DERA: variants seen among roughly 807,000 people sequenced by gnomAD.
DERA encodes deoxyribose-phosphate aldolase.
Under a neutral mutation model 41.1 loss-of-function variants are expected in DERA, and 15 were observed. The ratio of observed to expected loss-of-function variants is 0.37; its 90% CI spans 0.24 to 0.56. The LOEUF (loss-of-function observed/expected upper bound fraction) is 0.56, where lower values mean the gene tolerates loss of function less well. Among genes scored for constraint, DERA ranks in the 20% least tolerant of loss-of-function variants. DERA has a pLI of 0.81. For missense variants in DERA, 396 were observed against 403.4 expected (o/e 0.98, Z 0.16); for synonymous variants, 139 against 137.4 (o/e 1.01, Z -0.08).
rs549343113 is a variant in DERA, at chr12:15,981,780, G to T, written c.509-528G>T. ...ACCTGGCCAGGCCTAACACTTTTTA[G>T]TCAGATATATAAACATACTCTGGCA... On this transcript the variant is annotated intron_variant, in intron 5 of 8. Transcript: ENST00000428559. This position sits in a 1 kb window ranked among gnomAD's most constrained non-coding sequence, Gnocchi z 6.1. 6.6e-6 allele frequency among the ~76,000 whole-genome samples: 1 copy of T among 152,288 alleles called. No homozygotes were observed. Among genetic ancestry groups the T allele is most frequent in the Admixed American group, 6.5e-5 (1 of 15,292 alleles).
chr12:15,944,504 T>A (rs1252028319), intron 1 of DERA, among the ~76,000 whole-genome samples: 1 of 152,196 alleles, frequency 6.6e-6, no homozygotes, highest in Non-Finnish European at 1.5e-5. Flanking sequence ...TTTTCATGTG[T>A]TTTTTGGCTG....
At chr12:16,007,176 T>G (rs1325785854) in intron 6 of DERA, among the ~76,000 whole-genome samples, 80 of 133,064 alleles carry the variant, frequency 6.0e-4, no homozygotes, top group African/African-American at 2.2e-3. Flanking sequence ...GGTTTTTTTG[T>G]TTTTTTTTTT....
intron 6 of DERA, among the ~76,000 whole-genome samples, chr12:16,027,996 T>C (rs1949064209): frequency 6.6e-6 from 1 of 152,222 alleles, no homozygotes; most frequent in Admixed American, 6.5e-5. Context: ...GGATTCCATA[T>C]ATTTACAGAT....
chr12:15,957,513 T>A lies in DERA; in HGVS notation c.129+480T>A, dbSNP rs1948548976. On this transcript the variant is annotated intron_variant, in intron 2 of 8. Coordinates refer to ENST00000428559, the MANE Select transcript of DERA (RefSeq NM_015954.4). The surrounding 1 kb of genome is among the most constrained non-coding windows in gnomAD (Gnocchi z 4.8). ...CAAAAATGATGTTTCGTAGAGTACT[T>A]GCGGTCAGCATTTTCTTCAGTGTAT... Among the ~76,000 whole-genome samples the A allele has an allele frequency of 6.6e-6, 1 of 152,220 alleles. No individual in the cohort carries two copies. Among genetic ancestry groups the A allele is most frequent in the Non-Finnish European group, 1.5e-5 (1 of 68,046 alleles).
At position 16,017,505 on chromosome 12, in the gene DERA, A is replaced by C. The variant is rs1229336189; in HGVS notation, c.638-15037A>C. Among the ~76,000 whole-genome samples, 1 of 152,220 alleles carries C rather than the reference A, an allele frequency of 6.6e-6. No individual in the cohort carries two copies. The highest frequency in any genetic ancestry group is 1.9e-4 in the East Asian group (1 of 5,196). On this transcript the variant is annotated intron_variant, in intron 6 of 8. Transcript: ENST00000428559. This position sits in a 1 kb window ranked among gnomAD's most constrained non-coding sequence, Gnocchi z 5.5. Reference sequence around the variant, plus strand: ...TGTAAGCATGTCTTTGTGGAATCACAGTCTCCAGATTTAGTATTAGTATCA... The same window carrying C: ...TGTAAGCATGTCTTTGTGGAATCACCGTCTCCAGATTTAGTATTAGTATCA...
rs1278831405 is a variant in DERA at position 16,000,147 on chromosome 12, T to C, written c.637+17711T>C. 6.6e-6 allele frequency among the ~76,000 whole-genome samples: 1 copy of C among 152,188 alleles called. No homozygotes were observed. The highest frequency in any genetic ancestry group is 1.5e-5 in the Non-Finnish European group (1 of 68,034). On this transcript the variant is annotated intron_variant, in intron 6 of 8. Coordinates refer to ENST00000428559, the MANE Select transcript of DERA (RefSeq NM_015954.4). This position sits in a 1 kb window ranked among gnomAD's most constrained non-coding sequence, Gnocchi z 4.8. ...AGATCCAACTCCTAATGGTGCCATT[T>C]GTCAGGATAGGGAATTTAAGAGGAC...
chr12:15,920,853 C>G (rs1057120129), intron 1 of DERA, among the ~76,000 whole-genome samples: 3 of 152,148 alleles, frequency 2.0e-5, no homozygotes, highest in Non-Finnish European at 2.9e-5. Flanking sequence ...AATACCCCCC[C>G]CAAAAATACC....
rs1948164930 is a variant in DERA at position 15,911,679 on chromosome 12, C to G, written c.31+265C>G. The G allele has an allele frequency of 1.5e-6, 1 of 678,564 alleles. No homozygotes were observed. Among genetic ancestry groups the G allele is most frequent in the Non-Finnish European group, 2.7e-6 (1 of 370,236 alleles). 42.0% of individuals were successfully genotyped at this position (678,564 alleles called of 1,614,324 possible). ...TTAGATTATTATCTTCCTGCCTTTTCGTTCACTCTAGCTCGCTGGTTGGAA... is the reference window on the plus strand; with the variant it reads ...TTAGATTATTATCTTCCTGCCTTTTGGTTCACTCTAGCTCGCTGGTTGGAA... On this transcript the variant is annotated intron_variant, in intron 1 of 8. Coordinates refer to ENST00000428559, the MANE Select transcript of DERA (RefSeq NM_015954.4). The surrounding 1 kb of genome is among the most constrained non-coding windows in gnomAD (Gnocchi z 4.5).
chr12:16,027,923 G>GC (rs1949063706), intron 6 of DERA, among the ~76,000 whole-genome samples: 2 of 152,218 alleles, frequency 1.3e-5, no homozygotes, highest in Admixed American at 1.3e-4. Flanking sequence ...TTCCTGTCTA[G>GC]CAGCAGTGTA....
At chr12:15,949,588 GC>G (rs1439058910) in intron 1 of DERA, among the ~76,000 whole-genome samples, 5 of 152,190 alleles carry the variant, frequency 3.3e-5, no homozygotes, top group Non-Finnish European at 7.3e-5. Flanking sequence ...TTTTCCAGGT[GC>G]CATCTGTCAC....
At position 15,959,208 on chromosome 12, in the gene DERA, A is replaced by G. The variant is rs1948564948; in HGVS notation, c.278-621A>G. 6.6e-6 allele frequency among the ~76,000 whole-genome samples: 1 copy of G among 152,224 alleles called. No individual in the cohort carries two copies. The highest frequency in any genetic ancestry group is 1.5e-5 in the Non-Finnish European group (1 of 68,034). On this transcript the variant is annotated intron_variant, in intron 3 of 8. Coordinates refer to ENST00000428559, the MANE Select transcript of DERA (RefSeq NM_015954.4). This position sits in a 1 kb window ranked among gnomAD's most constrained non-coding sequence, Gnocchi z 4.5. ...TTTATTTCGTGTTGGCCATAAAAAT[A>G]TCACCTTATTTATTGCACTTAAAGG...
In DERA at chr12:16,012,873, A is replaced by G. The variant is rs1336249878; in HGVS notation, c.638-19669A>G. Among the ~76,000 whole-genome samples, 4 of 152,216 alleles carry G rather than the reference A, an allele frequency of 2.6e-5. No individual in the cohort carries two copies. The highest frequency in any genetic ancestry group is 9.6e-5 in the African/African-American group (4 of 41,452). ...ATATTTTATTTAATAAATCTGCAATATATCATTTTAATGTGTAGTGAATAT... is the reference window on the plus strand; with the variant it reads ...ATATTTTATTTAATAAATCTGCAATGTATCATTTTAATGTGTAGTGAATAT... On this transcript the variant is annotated intron_variant, in intron 6 of 8. Coordinates refer to ENST00000428559, the MANE Select transcript of DERA (RefSeq NM_015954.4). The surrounding 1 kb of genome is among the most constrained non-coding windows in gnomAD (Gnocchi z 4.1).
At chr12:15,923,374 GA>G (rs1008751386) in intron 1 of DERA, among the ~76,000 whole-genome samples, 5 of 152,166 alleles carry the variant, frequency 3.3e-5, no homozygotes, top group Non-Finnish European at 7.3e-5. Flanking sequence ...TTCTGGTTCT[GA>G]ACTTCATTGA....
At chr12:15,950,853 T>C (rs911167189) in intron 1 of DERA, among the ~76,000 whole-genome samples, 1 of 152,240 alleles carries the variant, frequency 6.6e-6, no homozygotes, top group Non-Finnish European at 1.5e-5. Flanking sequence ...GATTTTGTTT[T>C]TTCAGCACTG....
intron 6 of DERA, among the ~76,000 whole-genome samples, chr12:16,027,472 T>G (rs1949060930): frequency 6.6e-6 from 1 of 152,182 alleles, no homozygotes; most frequent in Non-Finnish European, 1.5e-5. Context: ...TTCTGGATTA[T>G]CCAGATGGGC....
intron 1 of DERA, among the ~76,000 whole-genome samples, chr12:15,912,020 CTTTTTTT>C (rs11354779): frequency 1.5e-5 from 2 of 134,178 alleles, no homozygotes; most frequent in African/African-American, 2.7e-5. Context: ...GTTCAGATTT[CTTTTTTT>C]TTTTTTTTTA....
intron 6 of DERA, among the ~76,000 whole-genome samples, chr12:16,002,979 T>A (rs572827421): frequency 6.6e-6 from 1 of 152,220 alleles, no homozygotes; most frequent in Non-Finnish European, 1.5e-5. Context: ...ACCCACTCCT[T>A]ATGCTCCTAA....
chr12:15,970,469 A>G lies in DERA; in HGVS notation c.508+7522A>G, dbSNP rs1449257434. Among the ~76,000 whole-genome samples the G allele has an allele frequency of 6.6e-6, 1 of 152,222 alleles. No individual in the cohort carries two copies. The highest frequency in any genetic ancestry group is 1.9e-4 in the East Asian group (1 of 5,202). On this transcript the variant is annotated intron_variant, in intron 5 of 8. Coordinates refer to ENST00000428559, the MANE Select transcript of DERA (RefSeq NM_015954.4). This position sits in a 1 kb window ranked among gnomAD's most constrained non-coding sequence, Gnocchi z 4.3. The stretch of plus-strand genomic sequence containing the variant: ...TTTCCAGAATACTTAGCAGATTGCC[A>G]GCCGCTTCAAAATTGAGAAGATACC...
Position 16,036,355 on chromosome 12 carries a change from A to ACT in DERA, c.877_878dup (p.Leu294CysfsTer13), listed in dbSNP as rs749047019. On this transcript the variant is annotated frameshift_variant, in exon 8 of 9. Coordinates refer to ENST00000428559, the MANE Select transcript of DERA (RefSeq NM_015954.4). LOFTEE classifies it high-confidence loss of function. The surrounding 1 kb of genome is among the most constrained non-coding windows in gnomAD (Gnocchi z 4.9). ...AGAACTCTTTCGAATAGGTGCCAGT[A>ACT]CTCTGCTCTCGGACATTGAGAGGCA... 9 of 1,610,826 alleles carry ACT rather than the reference A, an allele frequency of 5.6e-6. No homozygotes were observed. The highest frequency in any genetic ancestry group is 2.7e-5 in the African/African-American group (2 of 74,666).
Sources: allele counts gnomAD v4.1 joint callset (sites outside exome capture counted in the v4.1 genomes callset), GRCh38; gene constraint gnomAD v4.1.1; non-coding constraint Gnocchi (gnomAD v3.1); transcripts MANE v1.5; gene names NCBI Gene and HGNC (gene_info 2026-07-23, HGNC 2026-07-21).